COG6: variants seen among roughly 807,000 people sequenced by gnomAD.
The protein encoded by COG6 is component of oligomeric golgi complex 6.
Under a neutral mutation model 88.8 loss-of-function variants are expected in COG6, and 74 were observed. That is an observed-to-expected ratio of 0.83 (90% CI 0.69 to 1.01). The LOEUF (loss-of-function observed/expected upper bound fraction) is 1.01, where lower values mean the gene tolerates loss of function less well. COG6 is among the 50% of genes least tolerant of loss of function. The pLI, the probability that COG6 is intolerant of heterozygous loss-of-function variation, is 0.00. For synonymous variants in COG6, 286 were observed against 278.7 expected (o/e 1.03, Z -0.26); for missense variants, 800 against 797.9 (o/e 1.00, Z -0.03).
chr13:39,659,328 A>T (rs776050050), intron 1 of COG6, 36 bp from the exon 2 acceptor site: 2 of 1,593,868 alleles, frequency 1.3e-6, no homozygotes, highest in South Asian at 2.2e-5. Context: ...TTTAAAAATT[A>T]GTTCCAGTAA....
chr13:39,787,770 A>G (rs1014407172), intron 18 of COG6, among the ~76,000 whole-genome samples: 1 of 152,206 alleles, frequency 6.6e-6, no homozygotes, highest in Non-Finnish European at 1.5e-5. Context: ...AAAATACAGC[A>G]TAACAACTAA....
At chr13:39,702,984 T>G (rs1877667311) in intron 13 of COG6, among the ~76,000 whole-genome samples, 1 of 152,132 alleles carries the variant, frequency 6.6e-6, no homozygotes, top group Non-Finnish European at 1.5e-5. Flanking sequence ...TTAAATCTCT[T>G]GCACCCTTGC....
At chr13:39,666,459 C>G (rs1875275048) in intron 4 of COG6, among the ~76,000 whole-genome samples, 1 of 152,100 alleles carries the variant, frequency 6.6e-6, no homozygotes, top group Non-Finnish European at 1.5e-5. Context: ...GCCTTTCTTT[C>G]AGTTTCAGTA....
intron 2 of COG6, among the ~76,000 whole-genome samples, chr13:39,660,488 G>A (rs779246045): frequency 2.6e-5 from 4 of 152,140 alleles, no homozygotes; most frequent in African/African-American, 4.8e-5. Flanking sequence ...TCTTCTACTG[G>A]CCAAACATAA....
chr13:39,664,954 C>A (rs1368574022), intron 3 of COG6, 142 bp from the exon 4 acceptor site: 7 of 618,896 alleles, frequency 1.1e-5, no homozygotes, highest in Non-Finnish European at 2.0e-5. Context: ...GAAACATCTA[C>A]GTATTTCATT....
chr13:39,699,382 G>T, intron 12 of COG6, 119 bp from the exon 13 acceptor site: 2 of 589,074 alleles, frequency 3.4e-6, no homozygotes, highest in Non-Finnish European at 3.1e-6. Flanking sequence ...TAATTCACAG[G>T]TTATATTTTA....
At chr13:39,682,885 A>G (rs1876397870) in intron 8 of COG6, among the ~76,000 whole-genome samples, 1 of 152,152 alleles carries the variant, frequency 6.6e-6, no homozygotes, top group African/African-American at 2.4e-5. Flanking sequence ...TAGTATTAGC[A>G]TAAGCTTTAG....
At chr13:39,776,913 G>C (rs749916058) in intron 18 of COG6, among the ~76,000 whole-genome samples, 4 of 152,172 alleles carry the variant, frequency 2.6e-5, no homozygotes, top group Admixed American at 2.6e-4. Flanking sequence ...TGATTTCTAC[G>C]TGTCTTTTCT....
chr13:39,766,884 A>G (rs1014983747), intron 18 of COG6, among the ~76,000 whole-genome samples: 1 of 152,216 alleles, frequency 6.6e-6, no homozygotes, highest in African/African-American at 2.4e-5. Flanking sequence ...GTATTTAATC[A>G]TGCATAGAAA....
At chr13:39,718,776 C>T (rs1055116474) in intron 13 of COG6, among the ~76,000 whole-genome samples, 1 of 152,084 alleles carries the variant, frequency 6.6e-6, no homozygotes, top group African/African-American at 2.4e-5. Flanking sequence ...GCTTGTTGAA[C>T]TGTCAATTCC....
chr13:39,677,683 CTG>C, intron 5 of COG6, 104 bp downstream of exon 5: 1 of 625,102 alleles, frequency 1.6e-6, no homozygotes, highest in Non-Finnish European at 2.8e-6. Flanking sequence ...AAAGTTTCAT[CTG>C]AGAATATTTT....
chr13:39,748,831 T>C (rs987577810), intron 18 of COG6, among the ~76,000 whole-genome samples: 3 of 152,164 alleles, frequency 2.0e-5, no homozygotes, highest in Non-Finnish European at 4.4e-5. Flanking sequence ...CTCCAACTCG[T>C]CAAGAGTTTG....
At chr13:39,676,632 A>G (rs1875983010) in intron 4 of COG6, among the ~76,000 whole-genome samples, 1 of 152,144 alleles carries the variant, frequency 6.6e-6, no homozygotes, top group South Asian at 2.1e-4. Flanking sequence ...ATCTATACAA[A>G]TAGTGTTTAT....
At chr13:39,682,142 CA>C (rs1876350303) in intron 7 of COG6, 28 bp from the exon 8 acceptor site, 7 of 1,499,522 alleles carry the variant, frequency 4.7e-6, no homozygotes, top group African/African-American at 4.1e-5. Flanking sequence ...CTGAATTTAA[CA>C]AAAGTTATAA....
intron 13 of COG6, among the ~76,000 whole-genome samples, chr13:39,706,608 C>T (rs894062323): frequency 6.4e-5 from 9 of 141,480 alleles, no homozygotes; most frequent in African/African-American, 2.3e-4. Context: ...TAGCTCTACA[C>T]ATTTAAAAAA....
intron 18 of COG6, among the ~76,000 whole-genome samples, chr13:39,778,899 A>T (rs544507708): frequency 6.6e-6 from 1 of 152,226 alleles, no homozygotes; most frequent in Non-Finnish European, 1.5e-5. Flanking sequence ...TGAGAAATCC[A>T]TGAGAATGCC....
At chr13:39,671,977 G>C (rs866546670) in intron 4 of COG6, among the ~76,000 whole-genome samples, 62 of 152,006 alleles carry the variant, frequency 4.1e-4, no homozygotes, top group African/African-American at 1.4e-3. Context: ...CAAAGGCAGT[G>C]TATTAATGCT....
chr13:39,712,979 C>A (rs1878321946), intron 13 of COG6, among the ~76,000 whole-genome samples: 1 of 152,184 alleles, frequency 6.6e-6, no homozygotes, highest in African/African-American at 2.4e-5. Flanking sequence ...AGAGGGAAAT[C>A]TTTATTTGTA....
chr13:39,656,382 A>C (rs1477578257), intron 1 of COG6: 2 of 341,998 alleles, frequency 5.8e-6, no homozygotes, highest in African/African-American at 2.2e-5. Flanking sequence ...CGAAAGAACT[A>C]CCTTTGCCCG....
Sources: allele counts gnomAD v4.1 joint callset (sites outside exome capture counted in the v4.1 genomes callset), GRCh38; gene constraint gnomAD v4.1.1; transcripts MANE v1.5; gene names NCBI Gene and HGNC (gene_info 2026-07-23, HGNC 2026-07-21).